The following LIN28B variants were observed in gnomAD, a reference collection of about 807,000 sequenced individuals.
LIN28B encodes the protein protein lin-28 homolog B.
A neutral mutation model predicts 21.9 loss-of-function variants in LIN28B; 5 were observed. The observed-to-expected ratio is 0.23, with a 90% CI of 0.12 to 0.48. The LOEUF is 0.48. Among genes scored for constraint, LIN28B ranks in the 20% least tolerant of loss-of-function variants. LIN28B has a pLI of 0.98. For missense variants in LIN28B, 245 were observed against 310.5 expected (o/e 0.79, Z 1.58); for synonymous variants, 109 against 111.3 (o/e 0.98, Z 0.13).
chr6:105,066,146 C>T (rs1772214839), intron 3 of LIN28B, among the ~76,000 whole-genome samples: 1 of 152,194 alleles, frequency 6.6e-6, no homozygotes, highest in African/African-American at 2.4e-5. Context: ...GCACTCCAGT[C>T]TGGGTGACAC....
upstream of LIN28B, among the ~76,000 whole-genome samples, chr6:104,953,912 A>G (rs1483586293): frequency 1.3e-5 from 2 of 152,162 alleles, no homozygotes; most frequent in Admixed American, 1.3e-4. Flanking sequence ...ATTCCTTATA[A>G]TTGAAAACAA....
At chr6:104,950,327 T>G in intron 2 of LIN28B, 1 of 435,192 alleles carries the variant, frequency 2.3e-6, no homozygotes, top group Non-Finnish European at 3.8e-6. Context: ...TCTTAAACTG[T>G]AAAAAAAAGT....
intron 3 of LIN28B, among the ~76,000 whole-genome samples, chr6:105,047,095 G>T (rs1437886527): frequency 2.0e-5 from 3 of 152,150 alleles, no homozygotes; most frequent in Non-Finnish European, 4.4e-5. Context: ...TCTTGCCCAT[G>T]CCTATGTCCT....
chr6:104,977,806 T>C (rs1325887202), intron 2 of LIN28B, among the ~76,000 whole-genome samples: 1 of 152,094 alleles, frequency 6.6e-6, no homozygotes, highest in Non-Finnish European at 1.5e-5. Context: ...GACCTCATGA[T>C]ACCCCCGCCT....
intron 2 of LIN28B, among the ~76,000 whole-genome samples, chr6:104,945,979 T>C (rs1383971964): frequency 6.6e-6 from 1 of 152,062 alleles, no homozygotes; most frequent in East Asian, 1.9e-4. Context: ...AAAATTTCTA[T>C]TTGTAATATG....
intron 2 of LIN28B, among the ~76,000 whole-genome samples, chr6:104,969,932 A>G (rs1395627628): frequency 6.6e-6 from 1 of 152,194 alleles, no homozygotes; most frequent in Non-Finnish European, 1.5e-5. Flanking sequence ...CTTTGTTCTT[A>G]TCTTAGCATC....
intron 3 of LIN28B, among the ~76,000 whole-genome samples, chr6:105,066,997 G>A (rs1772232187): frequency 6.6e-6 from 1 of 152,124 alleles, no homozygotes; most frequent in African/African-American, 2.4e-5. Flanking sequence ...CTGAGCTGAT[G>A]CTTATTTACA....
chr6:104,982,237 C>T (rs539675773), intron 2 of LIN28B, among the ~76,000 whole-genome samples: 14 of 151,216 alleles, frequency 9.3e-5, no homozygotes, highest in Non-Finnish European at 1.8e-4. Flanking sequence ...TCGCTTGAAC[C>T]AGGGAGGCAG....
chr6:105,083,318 T>C lies in LIN28B; in HGVS notation c.*4535T>C, dbSNP rs1456563852. The stretch of plus-strand genomic sequence containing the variant: ...ATTACTTGATTAAAAATAAAACATA[T>C]AACGTTGGCATTTATGATGGGTTTT... On this transcript the variant is annotated 3_prime_UTR_variant, in exon 4 of 4. Transcript: ENST00000345080. 6.6e-6 allele frequency: 1 copy of C among 152,202 alleles called. No homozygotes were observed. Among genetic ancestry groups the C allele is most frequent in the Non-Finnish European group, 1.5e-5 (1 of 68,034 alleles). 9.4% of individuals were successfully genotyped at this position (152,202 alleles called of 1,614,324 possible).
intron 3 of LIN28B, chr6:104,950,638 T>C (rs1296369390): frequency 3.7e-5 from 17 of 454,744 alleles, no homozygotes; most frequent in Non-Finnish European, 5.7e-5. Context: ...GCAAGACAGG[T>C]ACCAAGTCCT....
At chr6:105,075,181 ATTTC>A (rs1772401862) in intron 3 of LIN28B, among the ~76,000 whole-genome samples, 1 of 152,316 alleles carries the variant, frequency 6.6e-6, no homozygotes, top group Non-Finnish European at 1.5e-5. Context: ...ATGTCCTTAT[ATTTC>A]TTAAGCATAT....
At chr6:105,061,472 A>G (rs767353958) in intron 3 of LIN28B, among the ~76,000 whole-genome samples, 33 of 152,100 alleles carry the variant, frequency 2.2e-4, no homozygotes, top group South Asian at 6.2e-4. Flanking sequence ...AGAGAAAAAT[A>G]TTTTAAGCTT....
intron 2 of LIN28B, among the ~76,000 whole-genome samples, chr6:104,982,313 C>CAAA (rs146674332): frequency 8.0e-6 from 1 of 125,708 alleles, no homozygotes; most frequent in Admixed American, 8.2e-5. Context: ...GACTTCATCT[C>CAAA]AAAAAAAAAA....
At chr6:104,946,024 A>G (rs1326009851) in intron 2 of LIN28B, among the ~76,000 whole-genome samples, 1 of 152,082 alleles carries the variant, frequency 6.6e-6, no homozygotes, top group African/African-American at 2.4e-5. Context: ...GTGATTCAGC[A>G]GTGCCAAAAA....
intron 2 of LIN28B, among the ~76,000 whole-genome samples, chr6:104,962,272 GAA>G (rs1401753082): frequency 6.6e-6 from 1 of 151,868 alleles, no homozygotes; most frequent in African/African-American, 2.4e-5. Context: ...TTCTCAAAGA[GAA>G]AGAGTAATTT....
intron 3 of LIN28B, among the ~76,000 whole-genome samples, chr6:105,041,582 G>T (rs1771638246): frequency 6.6e-6 from 1 of 152,048 alleles, no homozygotes; most frequent in Non-Finnish European, 1.5e-5. Flanking sequence ...CACTGTGCTG[G>T]CTACTCTGAA....
intron 3 of LIN28B, among the ~76,000 whole-genome samples, chr6:105,060,439 T>C (rs950702362): frequency 9.9e-5 from 15 of 152,102 alleles, no homozygotes; most frequent in African/African-American, 3.6e-4. Flanking sequence ...CTATAATTAA[T>C]TTTTTGTTTG....
chr6:105,027,591 T>G (rs1028007638), intron 3 of LIN28B, among the ~76,000 whole-genome samples: 25 of 152,058 alleles, frequency 1.6e-4, no homozygotes, highest in African/African-American at 5.8e-4. Flanking sequence ...AAAATATATT[T>G]TATCTTTAAT....
intron 2 of LIN28B, among the ~76,000 whole-genome samples, chr6:104,962,911 A>G (rs2114576357): frequency 6.6e-6 from 1 of 152,334 alleles, no homozygotes. Context: ...ATAGTGAGTT[A>G]CGTATTTTAA....
Sources: gnomAD v4.1 joint callset for allele counts (sites outside exome capture counted in the v4.1 genomes callset) on GRCh38, gnomAD v4.1.1 for gene constraint, MANE v1.5 for transcripts, NCBI Gene and HGNC (gene_info 2026-07-23, HGNC 2026-07-21) for gene names.